HDAC4: variants seen among roughly 807,000 people sequenced by gnomAD.
HDAC4 encodes the protein histone deacetylase 4.
A neutral mutation model predicts 135.1 loss-of-function variants in HDAC4; 16 were observed. The observed-to-expected ratio is 0.12, with a 90% confidence interval of 0.08 to 0.18. HDAC4 has a LOEUF of 0.18. HDAC4 is among the 10% of genes least tolerant of loss of function. The probability of loss-of-function intolerance (pLI) is 1.00; values close to 1 mark genes in which losing one functional copy is unlikely to be tolerated. For synonymous variants in HDAC4, 685 were observed against 653.4 expected, an observed-to-expected ratio of 1.05 and a Z score of -0.74; for missense variants, 1,143 against 1,511.8, an observed-to-expected ratio of 0.76 and a Z score of 4.05.
At chr2:239,383,728 G>T (rs1348156748) in intron 1 of HDAC4, among the ~76,000 whole-genome samples, 4 of 152,064 alleles carry the variant, frequency 2.6e-5, no homozygotes, top group Non-Finnish European at 4.4e-5. Flanking sequence ...GCAGGGTAGA[G>T]CACTGCCTCG....
intron 12 of HDAC4, among the ~76,000 whole-genome samples, chr2:239,118,956 C>G (rs1217503295): frequency 6.6e-6 from 1 of 152,200 alleles, no homozygotes. Context: ...GCAGGGAGAA[C>G]AGGGAGCCTG....
At chr2:239,345,267 T>C (rs567218915) in intron 2 of HDAC4, among the ~76,000 whole-genome samples, 1 of 152,276 alleles carries the variant, frequency 6.6e-6, no homozygotes, top group Non-Finnish European at 1.5e-5. Context: ...GTAGTACTCC[T>C]GGCCGGATAC....
chr2:239,163,293 A>G (rs1348805927), intron 6 of HDAC4, among the ~76,000 whole-genome samples: 1 of 152,224 alleles, frequency 6.6e-6, no homozygotes, highest in Non-Finnish European at 1.5e-5. Flanking sequence ...GGATTCAGAC[A>G]AGAGTTCCAG....
At chr2:239,355,637 C>T (rs1488924316) in intron 1 of HDAC4, among the ~76,000 whole-genome samples, 1 of 152,174 alleles carries the variant, frequency 6.6e-6, no homozygotes, top group Non-Finnish European at 1.5e-5. Flanking sequence ...TTCTTCTGCA[C>T]TTCAGGGTAT....
chr2:239,118,599 C>T (rs186672743), intron 12 of HDAC4, among the ~76,000 whole-genome samples: 3 of 152,324 alleles, frequency 2.0e-5, no homozygotes, highest in East Asian at 1.9e-4. Context: ...ATTCACGGAC[C>T]TTACCACAGA....
chr2:239,160,205 GA>G (rs2042703506), intron 6 of HDAC4, among the ~76,000 whole-genome samples: 1 of 152,156 alleles, frequency 6.6e-6, no homozygotes. Context: ...TTTAGTATTC[GA>G]TTAAACCATT....
intron 2 of HDAC4, among the ~76,000 whole-genome samples, chr2:239,241,061 G>A (rs893632094): frequency 1.3e-5 from 2 of 152,202 alleles, no homozygotes; most frequent in African/African-American, 4.8e-5. Flanking sequence ...GGATCACGGA[G>A]TGAGCACCAG....
chr2:239,052,479 T>C lies in HDAC4; in HGVS notation c.*618A>G, dbSNP rs1158735371. On this transcript the variant is annotated 3_prime_UTR_variant, in exon 27 of 27. Transcript: ENST00000543185. ...AGAAACTCAAGCCAGCTCCCCCAGC[T>C]CACATTCCTGTTTCTGTCCAGTTTT... The C allele has an allele frequency of 6.5e-6, 1 of 152,726 alleles. No individual in the cohort carries two copies. Among genetic ancestry groups the C allele is most frequent in the Non-Finnish European group, 1.5e-5 (1 of 68,290 alleles). The allele number at this position is 152,726 out of a possible 1,614,324, so 9.5% of individuals were successfully genotyped here.
chr2:239,183,230 C>A (rs1431883642), intron 4 of HDAC4, among the ~76,000 whole-genome samples: 1 of 152,134 alleles, frequency 6.6e-6, no homozygotes, highest in Non-Finnish European at 1.5e-5. Flanking sequence ...TATAGGAGCC[C>A]CAGAATTTAG....
intron 2 of HDAC4, among the ~76,000 whole-genome samples, chr2:239,286,998 T>C (rs1379973634): frequency 1.3e-5 from 2 of 151,460 alleles, no homozygotes; most frequent in Non-Finnish European, 2.9e-5. Context: ...AGCAGGAGAG[T>C]GTCTGATGCA....
intron 2 of HDAC4, among the ~76,000 whole-genome samples, chr2:239,295,255 C>T (rs1329459150): frequency 5.1e-5 from 7 of 136,856 alleles, no homozygotes; most frequent in African/African-American, 1.4e-4. Flanking sequence ...TGCAGTGAGC[C>T]GAGATCGCGC....
At chr2:239,276,247 G>C (rs1240834677) in intron 2 of HDAC4, among the ~76,000 whole-genome samples, 1 of 152,268 alleles carries the variant, frequency 6.6e-6, no homozygotes, top group Non-Finnish European at 1.5e-5. Context: ...CCGAACCAGA[G>C]AGCGGGTGCG....
intron 1 of HDAC4, among the ~76,000 whole-genome samples, chr2:239,353,972 T>C (rs1693325365): frequency 6.6e-6 from 1 of 152,220 alleles, no homozygotes; most frequent in Non-Finnish European, 1.5e-5. Flanking sequence ...CATGTTTCTG[T>C]CTTCATAATG....
chr2:239,190,104 G>A (rs749186702), intron 3 of HDAC4, 27 bp from the exon 4 acceptor site: 65 of 1,592,262 alleles, frequency 4.1e-5, no homozygotes, highest in African/African-American at 1.3e-4. Context: ...CAGGAGAGCC[G>A]GTCACTGCCG....
chr2:239,293,538 T>C (rs2051662584), intron 2 of HDAC4, among the ~76,000 whole-genome samples: 1 of 152,114 alleles, frequency 6.6e-6, no homozygotes, highest in African/African-American at 2.4e-5. Flanking sequence ...CTTGCTACCA[T>C]GAGGTAGTTA....
Position 239,141,061 on chromosome 2 carries a change from A to C in HDAC4, c.866-1265T>G. 1 of 289,670 alleles carries C rather than the reference A, an allele frequency of 3.5e-6. No individual in the cohort carries two copies. The highest frequency in any genetic ancestry group is 7.6e-6 in the Non-Finnish European group (1 of 131,906). 17.9% of individuals were successfully genotyped at this position (289,670 alleles called of 1,614,324 possible). On this transcript the variant is annotated intron_variant, in intron 8 of 26. Transcript: ENST00000543185. This position sits in a 1 kb window ranked among gnomAD's most constrained non-coding sequence, Gnocchi z 4.9. ...TCAGTCACTGTTTGAGGAAGGTGCC[A>C]TTATGACCCCGTTTCCCAGAAGAGG...
chr2:239,259,115 A>G (rs1169929533), intron 2 of HDAC4, among the ~76,000 whole-genome samples: 2 of 152,222 alleles, frequency 1.3e-5, no homozygotes, highest in Non-Finnish European at 2.9e-5. Flanking sequence ...TAATGCAACT[A>G]AAGTAAAAAT....
intron 4 of HDAC4, among the ~76,000 whole-genome samples, chr2:239,179,214 C>T (rs904726195): frequency 7.2e-5 from 11 of 152,212 alleles, no homozygotes; most frequent in African/African-American, 1.2e-4. Flanking sequence ...GCAGGACTGG[C>T]GCCCATGGGA....
At chr2:239,125,029 C>T (rs1024675918) in intron 12 of HDAC4, among the ~76,000 whole-genome samples, 44 of 152,064 alleles carry the variant, frequency 2.9e-4, no homozygotes, top group African/African-American at 1.0e-3. Flanking sequence ...GGTGTGCCGG[C>T]GTGTGGCCGC....
Sources: gnomAD v4.1 joint callset for allele counts (sites outside exome capture counted in the v4.1 genomes callset) on GRCh38, gnomAD v4.1.1 for gene constraint, Gnocchi (gnomAD v3.1) non-coding constraint, MANE v1.5 for transcripts, NCBI Gene and HGNC (gene_info 2026-07-23, HGNC 2026-07-21) for gene names.